DSTYK: variants seen among roughly 807,000 people sequenced by gnomAD.
DSTYK encodes RIP-homologous kinase.
DSTYK carries 34 observed loss-of-function variants against 98.7 expected under a neutral mutation model. The observed-to-expected ratio is 0.34, with a 90% CI of 0.26 to 0.46. The LOEUF is 0.46. Ranked by LOEUF, DSTYK falls within the 20% of genes least tolerant of loss-of-function variation. The pLI, the probability that DSTYK is intolerant of heterozygous loss-of-function variation, is 1.00. For missense variants in DSTYK, 962 were observed against 1,181.7 expected (o/e 0.81, Z 2.73); for synonymous variants, 462 against 457.3 (o/e 1.01, Z -0.13).
intron 1 of DSTYK, among the ~76,000 whole-genome samples, chr1:205,208,699 C>A (rs1425535656): frequency 3.3e-5 from 5 of 152,124 alleles, no homozygotes. Context: ...CAAAGTGAGA[C>A]CCCATCTTTA....
chr1:205,205,838 T>A (rs1659183044), intron 1 of DSTYK, among the ~76,000 whole-genome samples: 4 of 152,230 alleles, frequency 2.6e-5, no homozygotes, highest in Admixed American at 2.6e-4. Context: ...AGGTGAAGAA[T>A]GTTGGAGAAA....
intron 1 of DSTYK, among the ~76,000 whole-genome samples, chr1:205,203,380 G>A (rs1659099696): frequency 6.7e-6 from 1 of 150,230 alleles, no homozygotes; most frequent in African/African-American, 2.5e-5. Context: ...TACTTGGGAG[G>A]CTGAGGTAGG....
intron 1 of DSTYK, among the ~76,000 whole-genome samples, chr1:205,204,495 G>A (rs900066438): frequency 7.0e-6 from 1 of 142,192 alleles, no homozygotes; most frequent in Admixed American, 7.1e-5. Flanking sequence ...CACTCAAACA[G>A]CCATATATAT....
At chr1:205,163,498 C>T (rs955669398) in intron 4 of DSTYK, among the ~76,000 whole-genome samples, 52 of 152,306 alleles carry the variant, frequency 3.4e-4, no homozygotes, top group African/African-American at 1.2e-3. Context: ...GGATTACAGG[C>T]GTGAGCCACT....
In DSTYK at chr1:205,162,319, C is replaced by T. The variant is rs1480679014; in HGVS notation, c.1642-107G>A. The T allele has an allele frequency of 9.0e-6, 12 of 1,329,664 alleles. No individual in the cohort carries two copies. In the East Asian group the frequency reaches 2.8e-4, roughly 31 times the overall value. 82.4% of individuals were successfully genotyped at this position (1,329,664 alleles called of 1,614,324 possible). A position where few individuals can be genotyped will look rare whatever the true frequency, so the allele number is the denominator to read the frequency against. On this transcript the variant is annotated intron_variant, in intron 5 of 12. Coordinates refer to ENST00000367162, the MANE Select transcript of DSTYK (RefSeq NM_015375.3). ...GTTACCCATTCATTAAGAGCAGGCT[C>T]ATAAGATGGGAGCCATACGAAGTCC... is the stretch of plus-strand genomic sequence containing the variant.
chr1:205,172,817 T>A (rs1427235319), intron 2 of DSTYK, among the ~76,000 whole-genome samples: 1 of 152,112 alleles, frequency 6.6e-6, no homozygotes, highest in Non-Finnish European at 1.5e-5. Flanking sequence ...CCACCCTTTA[T>A]CCAACCCCAA....
At chr1:205,167,572 AAG>A (rs1249180885) in intron 3 of DSTYK, among the ~76,000 whole-genome samples, 2 of 152,202 alleles carry the variant, frequency 1.3e-5, no homozygotes, top group African/African-American at 4.8e-5. Flanking sequence ...GGAGGACAGA[AAG>A]AAGTTAAGAC....
chr1:205,211,494 C>A lies in DSTYK; in HGVS notation c.42G>T (p.Ser14=), dbSNP rs140909469. 18 of 1,579,138 alleles carry A rather than the reference C, an allele frequency of 1.1e-5. No individual in the cohort carries two copies. The highest frequency in any genetic ancestry group is 1.2e-5 in the Non-Finnish European group (14 of 1,167,466). Residue 14 remains serine (S), a synonymous_variant, in exon 1 of 13, where the codon TCG becomes TCT. Coordinates refer to ENST00000367162, the MANE Select transcript of DSTYK (RefSeq NM_015375.3). ...TTCCGCCGCCGCCGGGGCCGGGACC[C>A]GAGACGGGCTCGCTGCCCCATGGCA... ...DGVPWGSEPV[S]GPGPGGGGMI... is the part of the protein sequence containing the mutation.
At chr1:205,148,173 A>C in intron 12 of DSTYK, 32 bp downstream of exon 12, 1 of 1,613,336 alleles carries the variant, frequency 6.2e-7, no homozygotes. Context: ...TAGCCAGGGG[A>C]GTTAGGACAA....
chr1:205,176,252 C>G (rs1209271504), intron 2 of DSTYK, among the ~76,000 whole-genome samples: 1 of 151,974 alleles, frequency 6.6e-6, no homozygotes, highest in East Asian at 1.9e-4. Context: ...CCGAGACAGG[C>G]AGATCACCTG....
chr1:205,190,178 T>C (rs553695016), intron 1 of DSTYK, among the ~76,000 whole-genome samples: 1 of 152,314 alleles, frequency 6.6e-6, no homozygotes, highest in African/African-American at 2.4e-5. Context: ...TGTCATAGAT[T>C]TGTTTGTTTT....
rs1288457768 is a variant in DSTYK at position 205,147,234 on chromosome 1, G to A, written c.*324C>T. 2 of 217,070 alleles carry A rather than the reference G, an allele frequency of 9.2e-6. No individual in the cohort carries two copies. Among genetic ancestry groups the A allele is most frequent in the Non-Finnish European group, 1.9e-5 (2 of 107,578 alleles). 13.4% of individuals were successfully genotyped at this position (217,070 alleles called of 1,614,324 possible). A position where few individuals can be genotyped will look rare whatever the true frequency, so the allele number is the denominator to read the frequency against. ...CAGTGTCCCGCTTGCTGTCTTAGAA[G>A]TATATACAGTGAAAAGACAATGGTA... On this transcript the variant is annotated 3_prime_UTR_variant, in exon 13 of 13. Transcript: ENST00000367162.
At position 205,211,393 on chromosome 1, in the gene DSTYK, G is replaced by A. The variant is rs1248581130; in HGVS notation, c.143C>T (p.Thr48Ile). 2 of 1,612,032 alleles carry A rather than the reference G, an allele frequency of 1.2e-6. No individual in the cohort carries two copies. The highest frequency in any genetic ancestry group is 1.7e-6 in the Non-Finnish European group (2 of 1,179,468). ...LGRLRQNLRE[T>I]QKFFRDIKCS... Reference sequence around the variant, plus strand: ...CTTGATGTCGCGGAAGAACTTCTGGGTCTCGCGCAGGTTCTGTCGCAGCCG... The same window carrying A: ...CTTGATGTCGCGGAAGAACTTCTGGATCTCGCGCAGGTTCTGTCGCAGCCG... The change falls in exon 1 of 13, where the codon ACC becomes ATC. Residue 48 changes from threonine to isoleucine, a missense_variant. By Grantham distance (89) the Thr-to-Ile change is moderately conservative. This residue lies in a region of DSTYK where 168 missense variants were observed against 120.0 expected (regional missense o/e 1.40). Transcript: ENST00000367162.
chr1:205,157,849 C>T (rs1000471624), intron 9 of DSTYK, among the ~76,000 whole-genome samples: 1 of 151,648 alleles, frequency 6.6e-6, no homozygotes, highest in Non-Finnish European at 1.5e-5. Context: ...GTAAAGGAGA[C>T]AAAGCCAGAT....
At chr1:205,171,680 C>T (rs1457238676) in intron 2 of DSTYK, among the ~76,000 whole-genome samples, 5 of 152,008 alleles carry the variant, frequency 3.3e-5, no homozygotes, top group East Asian at 1.9e-4. Flanking sequence ...CAGGTGTAAA[C>T]GGTTAACTAG....
chr1:205,164,189 A>C (rs905493918), intron 3 of DSTYK, among the ~76,000 whole-genome samples: 1 of 152,172 alleles, frequency 6.6e-6, no homozygotes, highest in Non-Finnish European at 1.5e-5. Context: ...GCAGTGATTC[A>C]CGCCTGTAAT....
At position 205,150,415 on chromosome 1, in the gene DSTYK, A is replaced by C. The variant is rs1364292073; in HGVS notation, c.2467+265T>G. Reference sequence around the variant, plus strand: ...GTTATTCAATCAATACTTTATGATTAAATAATTGGCTGATTATGGCAGTTA... The same window carrying C: ...GTTATTCAATCAATACTTTATGATTCAATAATTGGCTGATTATGGCAGTTA... On this transcript the variant is annotated intron_variant, in intron 11 of 12. Coordinates refer to ENST00000367162, the MANE Select transcript of DSTYK (RefSeq NM_015375.3). The surrounding 1 kb of genome is among the most constrained non-coding windows in gnomAD (Gnocchi z 4.1). Among the ~76,000 whole-genome samples the C allele has an allele frequency of 6.8e-6, 1 of 147,644 alleles. No homozygotes were observed. The highest frequency in any genetic ancestry group is 1.5e-5 in the Non-Finnish European group (1 of 66,556).
At position 205,161,298 on chromosome 1, in the gene DSTYK, A is replaced by G. The variant is rs768362060; in HGVS notation, c.1908T>C (p.Leu636=). The G allele has an allele frequency of 6.2e-7, 1 of 1,614,162 alleles. No individual in the cohort carries two copies. Among genetic ancestry groups the G allele is most frequent in the Admixed American group, 1.7e-5 (1 of 60,022 alleles). ...CCTGTAAAGAACAGCTTTCCAGAGA[A>G]AGGCGGGCCAGGCGGGGAGCATGAT... ...RKDHAPRLAR[L]SLESCSLQDV... Residue 636 remains leucine, a synonymous_variant, in exon 7 of 13, where the codon CTT becomes CTC. Transcript: ENST00000367162.
intron 2 of DSTYK, among the ~76,000 whole-genome samples, chr1:205,175,297 T>C (rs968369068): frequency 2.0e-5 from 3 of 151,038 alleles, no homozygotes; most frequent in African/African-American, 7.3e-5. Flanking sequence ...TTTCACCATG[T>C]TATCCAGGAT....
Sources: allele counts gnomAD v4.1 joint callset (sites outside exome capture counted in the v4.1 genomes callset), GRCh38; gene constraint gnomAD v4.1.1; regional missense constraint gnomAD v4.1.1; non-coding constraint Gnocchi (gnomAD v3.1); transcripts MANE v1.5; gene names NCBI Gene and HGNC (gene_info 2026-07-23, HGNC 2026-07-21).